SLC25A51: variants seen among roughly 807,000 people sequenced by gnomAD.
SLC25A51 encodes mitochondrial nicotinamide adenine dinucleotide transporter SLC25A51.
A neutral mutation model predicts 19.1 loss-of-function variants in SLC25A51; 11 were observed. The ratio of observed to expected loss-of-function variants is 0.58; its 90% CI spans 0.36 to 0.96. SLC25A51 has a LOEUF of 0.96. Among genes scored for constraint, SLC25A51 ranks in the 40% least tolerant of loss-of-function variants. SLC25A51 has a pLI of 0.01. For synonymous variants in SLC25A51, 105 were observed against 133.6 expected, an observed-to-expected ratio of 0.79 and a Z score of 1.47; for missense variants, 201 against 365.4, an observed-to-expected ratio of 0.55 and a Z score of 3.67.
chr9:37,898,967 T>C (rs1202577837), intron 2 of SLC25A51, among the ~76,000 whole-genome samples: 1 of 152,078 alleles, frequency 6.6e-6, no homozygotes, highest in African/African-American at 2.4e-5. Flanking sequence ...TATTTAAGAG[T>C]ACAGCCTCTG....
downstream of SLC25A51, chr9:37,885,887 T>G: frequency 6.6e-7 from 1 of 1,519,828 alleles, no homozygotes; most frequent in Non-Finnish European, 9.1e-7. Flanking sequence ...AACCCCCCCC[T>G]CCCCATATAT....
downstream of SLC25A51, among the ~76,000 whole-genome samples, chr9:37,887,261 G>T (rs1446739692): frequency 6.6e-6 from 1 of 151,068 alleles, no homozygotes; most frequent in African/African-American, 2.4e-5. Context: ...AGGTTGCAGT[G>T]AGCCAAGATC....
chr9:37,881,047 A>G (rs1831339433), intron 3 of SLC25A51, among the ~76,000 whole-genome samples: 1 of 152,190 alleles, frequency 6.6e-6, no homozygotes. Context: ...CTGCTCCTTT[A>G]CCTTGCTGTC....
At chr9:37,900,312 C>T (rs1222465956) in intron 1 of SLC25A51, among the ~76,000 whole-genome samples, 2 of 151,914 alleles carry the variant, frequency 1.3e-5, no homozygotes, top group African/African-American at 4.8e-5. Flanking sequence ...AGCCAGGCAT[C>T]GTGGCACGCA....
chr9:37,884,963 A>G (rs879183690), downstream of SLC25A51, among the ~76,000 whole-genome samples: 4 of 152,236 alleles, frequency 2.6e-5, no homozygotes, highest in South Asian at 8.3e-4. Flanking sequence ...CTAAATAGAA[A>G]TAGTATAATG....
chr9:37,884,429 T>C (rs1184074218), downstream of SLC25A51, among the ~76,000 whole-genome samples: 2 of 152,222 alleles, frequency 1.3e-5, no homozygotes, highest in Non-Finnish European at 2.9e-5. Context: ...ATGGTAAAAC[T>C]GGGTTCCCAA....
downstream of SLC25A51, chr9:37,878,431 C>T (rs1202781587): frequency 3.1e-5 from 6 of 194,022 alleles, no homozygotes; most frequent in Admixed American, 5.6e-5. Context: ...GTTCTTCACT[C>T]GAAAGAAATC....
At position 37,900,710 on chromosome 9, in the gene SLC25A51, C is replaced by T. The variant is rs555102295; in HGVS notation, c.-164-760G>A. ...GGGATTTACAAGCCACTGCACCCAT[C>T]CAACACTTGCTGTTTTAAAAAATTA... On this transcript the variant is annotated intron_variant, in intron 1 of 2. Coordinates refer to ENST00000242275, the MANE Select transcript of SLC25A51 (RefSeq NM_033412.4). Among the ~76,000 whole-genome samples, 6 of 151,856 alleles carry T rather than the reference C, an allele frequency of 4.0e-5. No homozygotes were observed. In the South Asian group the frequency reaches 1.2e-3, roughly 32 times the overall value.
chr9:37,895,589 G>A (rs991966724), intron 2 of SLC25A51, among the ~76,000 whole-genome samples: 5 of 151,934 alleles, frequency 3.3e-5, no homozygotes, highest in Non-Finnish European at 5.9e-5. Flanking sequence ...CCATTTTTCT[G>A]CTGGCACTTT....
At chr9:37,883,033 T>A (rs1326274677), downstream of SLC25A51, among the ~76,000 whole-genome samples, 4 of 152,140 alleles carry the variant, frequency 2.6e-5, no homozygotes, top group Admixed American at 2.0e-4. Context: ...TTAGTAGAGA[T>A]GGGGTTTCGC....
At chr9:37,898,707 G>A (rs993856257) in intron 2 of SLC25A51, among the ~76,000 whole-genome samples, 3 of 152,138 alleles carry the variant, frequency 2.0e-5, no homozygotes, top group African/African-American at 7.2e-5. Context: ...GACACAGCAA[G>A]ACTCTGTCTC....
chr9:37,897,553 CTTTTA>C (rs1234098504), intron 2 of SLC25A51, among the ~76,000 whole-genome samples: 2 of 151,840 alleles, frequency 1.3e-5, no homozygotes, highest in African/African-American at 2.4e-5. Context: ...TTTGCCTTCT[CTTTTA>C]TAATATGTGT....
chr9:37,896,958 T>C (rs1335911601), intron 2 of SLC25A51, among the ~76,000 whole-genome samples: 1 of 152,266 alleles, frequency 6.6e-6, no homozygotes, highest in Non-Finnish European at 1.5e-5. Flanking sequence ...AGTGCAATCA[T>C]AGAAGGTATC....
downstream of SLC25A51, among the ~76,000 whole-genome samples, chr9:37,886,713 C>CT (rs1442693093): frequency 6.6e-6 from 1 of 152,148 alleles, no homozygotes; most frequent in Non-Finnish European, 1.5e-5. Flanking sequence ...CCATGAAACT[C>CT]TGTCGTTTCA....
In SLC25A51 at chr9:37,887,878, A is replaced by C; in HGVS notation, c.673T>G (p.Leu225Val). The C allele has an allele frequency of 6.2e-7, 1 of 1,612,084 alleles. No individual in the cohort carries two copies. The highest frequency in any genetic ancestry group is 2.2e-5 in the East Asian group (1 of 44,888). The change falls in exon 3 of 3, where the codon TTG (leucine) becomes GTG (valine). Residue 225 changes from leucine to valine, a missense_variant. Leu to Val is a conservative substitution (Grantham distance 32). Transcript: ENST00000242275. The part of the protein sequence containing the change: ...FICGGLLGAM[L>V]GFLFFPINVV... ...TTAATTGGAAAAAACAAGAATCCCA[A>C]CATGGCACCCAATAGACCTCCACAG...
chr9:37,878,675 A>G (rs942597702), downstream of SLC25A51: 4 of 154,726 alleles, frequency 2.6e-5, no homozygotes, highest in East Asian at 5.8e-4. Context: ...TGATATGAAG[A>G]TTGAATTTGG....
intron 2 of SLC25A51, among the ~76,000 whole-genome samples, chr9:37,881,996 C>G (rs1448269113): frequency 6.6e-6 from 1 of 152,110 alleles, no homozygotes; most frequent in African/African-American, 2.4e-5. Context: ...AAAACTCAAA[C>G]TATCAAACAA....
chr9:37,881,344 T>C (rs1014890226), intron 3 of SLC25A51, among the ~76,000 whole-genome samples: 1 of 152,114 alleles, frequency 6.6e-6, no homozygotes, highest in East Asian at 1.9e-4. Context: ...GTGTATTAAA[T>C]ATGAGGAAGA....
In SLC25A51 at chr9:37,881,890, G is replaced by C. The variant is rs74788540; in HGVS notation, n.409-259C>G. ...CTCAAGCATAAGAGAAGACCAAAAA[G>C]AGTGGGCTTAAAAAACAAACTTTAT... On this transcript the variant is annotated intron_variant and non_coding_transcript_variant, in intron 2 of 3. Transcript: ENST00000496760. 4.9e-3 allele frequency among the ~76,000 whole-genome samples: 744 copies of C among 152,210 alleles called. 10 individuals are homozygous for C. Among genetic ancestry groups the C allele is most frequent in the African/African-American group, 0.017 (708 of 41,512 alleles).
Sources: allele counts gnomAD v4.1 joint callset (sites outside exome capture counted in the v4.1 genomes callset), GRCh38; gene constraint gnomAD v4.1.1; transcripts MANE v1.5; gene names NCBI Gene and HGNC (gene_info 2026-07-23, HGNC 2026-07-21).